Variants in BPIFC observed in about 807,000 individuals in gnomAD.
BPIFC encodes the protein BPI fold-containing family C protein.
In BPIFC, 60 loss-of-function variants were observed where a neutral mutation model predicts 57.6. That is an observed-to-expected ratio of 1.04 (90% confidence interval 0.85 to 1.29). BPIFC has a LOEUF of 1.29. Among genes scored for constraint, BPIFC ranks in the 50% most tolerant of loss-of-function variants. BPIFC has a pLI of 0.00. For synonymous variants in BPIFC, 243 were observed against 224.5 expected, an observed-to-expected ratio of 1.08 and a Z score of -0.74; for missense variants, 581 against 600.5, an observed-to-expected ratio of 0.97 and a Z score of 0.34.
chr22:32,459,340 G>A (rs1423749520), intron 2 of BPIFC, among the ~76,000 whole-genome samples: 1 of 152,068 alleles, frequency 6.6e-6, no homozygotes, highest in African/African-American at 2.4e-5. Context: ...ACCAGCCTGT[G>A]GAACATGGCA....
At chr22:32,423,884 A>G (rs1315148280) in intron 13 of BPIFC, among the ~76,000 whole-genome samples, 3 of 151,578 alleles carry the variant, frequency 2.0e-5, no homozygotes, top group Non-Finnish European at 4.4e-5. Context: ...GTTGCCTCCA[A>G]AGAGAAGTAT....
At chr22:32,429,989 C>CT (rs1934194455) in intron 13 of BPIFC, among the ~76,000 whole-genome samples, 1 of 152,182 alleles carries the variant, frequency 6.6e-6, no homozygotes. Flanking sequence ...ATTCTCCCCC[C>CT]AGGTAGTCTG....
rs773513073 is a variant in BPIFC, at chr22:32,453,550, A to G, written c.125-47T>C. ...ATCTGTTGATAATGACAAAGATAAT[A>G]ATAGCATAATAACATTAACCACACA... On this transcript the variant is annotated intron_variant, in intron 3 of 16. Coordinates refer to ENST00000300399, the MANE Select transcript of BPIFC (RefSeq NM_174932.3). 6 of 1,538,710 alleles carry G rather than the reference A, an allele frequency of 3.9e-6. No homozygotes were observed. The East Asian group carries it at 1.1e-4, about 29-fold the overall frequency.
intron 13 of BPIFC, among the ~76,000 whole-genome samples, chr22:32,426,975 G>A (rs1051788273): frequency 2.5e-4 from 38 of 152,058 alleles, no homozygotes; most frequent in Non-Finnish European, 7.4e-5. Flanking sequence ...AGTGGGCCCT[G>A]CAAATTATGT....
At chr22:32,460,699 T>C (rs1216323633) in intron 2 of BPIFC, among the ~76,000 whole-genome samples, 3 of 152,246 alleles carry the variant, frequency 2.0e-5, no homozygotes, top group Non-Finnish European at 4.4e-5. Flanking sequence ...CCATCTTCTT[T>C]CTAAAGCCAT....
intron 11 of BPIFC, 61 bp downstream of exon 11, chr22:32,433,658 T>C: frequency 6.8e-7 from 1 of 1,470,490 alleles, no homozygotes; most frequent in East Asian, 2.3e-5. Flanking sequence ...CCCACAAGTC[T>C]TCCAGAAGTA....
chr22:32,444,974 A>C (rs1934676452), intron 7 of BPIFC, among the ~76,000 whole-genome samples: 1 of 152,224 alleles, frequency 6.6e-6, no homozygotes, highest in African/African-American at 2.4e-5. Flanking sequence ...TATTCCCAAC[A>C]GATCCTAGTC....
chr22:32,421,386 T>C (rs919680375), intron 13 of BPIFC, among the ~76,000 whole-genome samples: 5 of 152,212 alleles, frequency 3.3e-5, no homozygotes, highest in African/African-American at 1.2e-4. Context: ...GATCTCCTGA[T>C]GCCCATCCCA....
At chr22:32,450,651 T>G (rs1162085376) in intron 4 of BPIFC, among the ~76,000 whole-genome samples, 1 of 152,038 alleles carries the variant, frequency 6.6e-6, no homozygotes, top group Admixed American at 6.6e-5. Flanking sequence ...CTTATACTCA[T>G]GATACACCTC....
At chr22:32,419,460 G>GA (rs1933772748) in intron 13 of BPIFC, 56 bp from the exon 14 acceptor site, 2 of 1,478,246 alleles carry the variant, frequency 1.4e-6, no homozygotes, top group South Asian at 1.2e-5. Flanking sequence ...TTAGTAGAAA[G>GA]AAACCAAAAA....
At chr22:32,463,706 C>A (rs1043221132) in intron 1 of BPIFC, among the ~76,000 whole-genome samples, 1 of 152,146 alleles carries the variant, frequency 6.6e-6, no homozygotes, top group South Asian at 2.1e-4. Context: ...TTGGTTAAGA[C>A]AAAATGACCG....
intron 13 of BPIFC, among the ~76,000 whole-genome samples, chr22:32,425,522 C>A (rs1001281832): frequency 6.6e-6 from 1 of 152,160 alleles, no homozygotes; most frequent in South Asian, 2.1e-4. Context: ...TGATCTTGTA[C>A]GATTGAGCAC....
At chr22:32,463,690 G>A (rs561313465) in intron 1 of BPIFC, among the ~76,000 whole-genome samples, 1 of 152,158 alleles carries the variant, frequency 6.6e-6, no homozygotes. Context: ...AGGGTATTCC[G>A]ACATATTGGT....
intron 15 of BPIFC, 116 bp downstream of exon 15, chr22:32,416,969 C>T: frequency 1.0e-6 from 1 of 961,826 alleles, no homozygotes; most frequent in South Asian, 1.3e-5. Context: ...TTCATGATAA[C>T]ATGATAGAAG....
At chr22:32,424,735 T>TTCC (rs1933998634) in intron 13 of BPIFC, among the ~76,000 whole-genome samples, 1 of 90,614 alleles carries the variant, frequency 1.1e-5, no homozygotes, top group African/African-American at 5.9e-5. Context: ...CTTCCTCTTC[T>TTCC]TCTTCCTCTT....
Position 32,435,769 on chromosome 22 carries a change from A to G in BPIFC, c.859T>C (p.Phe287Leu), listed in dbSNP as rs1475685402. ...MLYIGIAEYF[F>L]KSASFAHFTA... is the part of the protein sequence containing the mutation. ...AAATGAGCAAAGGACGCAGATTTAA[A>G]GAAATACTCGGCGATTCCAATGTAG... The change falls in exon 10 of 17, where the codon TTT becomes CTT. Residue 287 changes from phenylalanine (F) to leucine (L), a missense_variant. By Grantham distance (22) the Phe-to-Leu change is conservative (BLOSUM62 0). Transcript: ENST00000300399. 3 of 1,614,096 alleles carry G rather than the reference A, an allele frequency of 1.9e-6. No individual in the cohort carries two copies. The highest frequency in any genetic ancestry group is 2.5e-6 in the Non-Finnish European group (3 of 1,180,046).
intron 4 of BPIFC, 21 bp from the exon 5 acceptor site, chr22:32,447,361 A>G (rs1934759616): frequency 1.9e-6 from 3 of 1,606,566 alleles, no homozygotes; most frequent in Non-Finnish European, 2.6e-6. Flanking sequence ...AGAAACAAGA[A>G]GTTAGGGCGA....
intron 13 of BPIFC, among the ~76,000 whole-genome samples, chr22:32,430,003 G>T (rs1428974178): frequency 6.6e-6 from 1 of 152,176 alleles, no homozygotes; most frequent in Non-Finnish European, 1.5e-5. Flanking sequence ...TAGTCTGATG[G>T]ATGACTTCAA....
chr22:32,431,633 T>A (rs1312278480), intron 12 of BPIFC, among the ~76,000 whole-genome samples: 1 of 149,842 alleles, frequency 6.7e-6, no homozygotes, highest in Non-Finnish European at 1.5e-5. Flanking sequence ...CTCCTTTGAA[T>A]TTTTTTTTTC....
Sources: gnomAD v4.1 joint callset for allele counts (sites outside exome capture counted in the v4.1 genomes callset) on GRCh38, gnomAD v4.1.1 for gene constraint, MANE v1.5 for transcripts, NCBI Gene and HGNC (gene_info 2026-07-23, HGNC 2026-07-21) for gene names.